PREX1: variants seen among roughly 807,000 people sequenced by gnomAD.
The protein encoded by PREX1 is phosphatidylinositol-3,4,5-trisphosphate dependent Rac exchange factor 1, also known as phosphatidylinositol 3,4,5-trisphosphate-dependent Rac exchanger 1 protein.
Under a neutral mutation model 198.3 loss-of-function variants are expected in PREX1, and 41 were observed. The ratio of observed to expected loss-of-function variants is 0.21; its 90% CI spans 0.16 to 0.27. The LOEUF (loss-of-function observed/expected upper bound fraction) is 0.27. Ranked by LOEUF, PREX1 falls within the 10% of genes least tolerant of loss-of-function variation. PREX1 has a pLI of 1.00. For missense variants in PREX1, 1,620 were observed against 2,200.7 expected, an observed-to-expected ratio of 0.74 and a Z score of 5.28; for synonymous variants, 843 against 887.2, an observed-to-expected ratio of 0.95 and a Z score of 0.89.
At chr20:48,771,182 T>A (rs1202124650) in intron 1 of PREX1, among the ~76,000 whole-genome samples, 1 of 151,910 alleles carries the variant, frequency 6.6e-6, no homozygotes, top group Non-Finnish European at 1.5e-5. Context: ...TAATTTTGCA[T>A]GTCACCTTTC....
chr20:48,636,451 CCACT>C lies in PREX1; in HGVS notation c.4167+8_4167+11del, dbSNP rs1455363540. The C allele has an allele frequency of 6.3e-7, 1 of 1,594,578 alleles. No homozygotes were observed. Among genetic ancestry groups the C allele is most frequent in the Non-Finnish European group, 8.5e-7 (1 of 1,172,608 alleles). ...GGGCCAGCGGGGCCGCCCTCCCGCC[CCACT>C]CACTCACCACTGTGGCTGGCGAGAG... On this transcript the variant is annotated splice_region_variant and intron_variant, in intron 32 of 39. Transcript: ENST00000371941.
intron 1 of PREX1, among the ~76,000 whole-genome samples, chr20:48,784,482 C>T (rs1457363457): frequency 1.3e-5 from 2 of 152,164 alleles, no homozygotes; most frequent in African/African-American, 4.8e-5. Flanking sequence ...TCTACCCCCG[C>T]CACCCCACAT....
chr20:48,798,935 C>T (rs1256263175), intron 1 of PREX1, among the ~76,000 whole-genome samples: 2 of 152,298 alleles, frequency 1.3e-5, no homozygotes, highest in Middle Eastern at 3.4e-3. Flanking sequence ...CTCGCTCTGT[C>T]GCCTAGGCTC....
In PREX1 at chr20:48,734,690, G is replaced by A. The variant is rs761805590; in HGVS notation, c.415-40C>T. ...CAGAGCCTGTGGGAGGCAGGTCATG[G>A]TAGCAGGCAGGTGCCCTGACACATG... On this transcript the variant is annotated intron_variant, in intron 3 of 39. Coordinates refer to ENST00000371941, the MANE Select transcript of PREX1 (RefSeq NM_020820.4). 4 of 1,584,032 alleles carry A rather than the reference G, an allele frequency of 2.5e-6. No homozygotes were observed. In the African/African-American group the frequency reaches 4.0e-5, roughly 16 times the overall value.
chr20:48,831,920 A>T (rs2090537780), upstream of PREX1, among the ~76,000 whole-genome samples: 1 of 152,090 alleles, frequency 6.6e-6, no homozygotes, highest in South Asian at 2.1e-4. Flanking sequence ...CCCTAAACCA[A>T]ACATGACTAA....
intron 2 of PREX1, among the ~76,000 whole-genome samples, chr20:48,746,612 G>A (rs1286503029): frequency 6.6e-6 from 1 of 152,138 alleles, no homozygotes; most frequent in Admixed American, 6.5e-5. Context: ...GACTGACTGA[G>A]GGGGGCCCAG....
chr20:48,799,718 C>A (rs770997196), intron 1 of PREX1, among the ~76,000 whole-genome samples: 16 of 152,258 alleles, frequency 1.1e-4, no homozygotes, highest in Middle Eastern at 3.4e-3. Context: ...GTCCTGCAGG[C>A]AAGCGGGCCT....
intron 37 of PREX1, 146 bp downstream of exon 37, chr20:48,629,302 GA>G: frequency 8.9e-7 from 1 of 1,119,776 alleles, no homozygotes; most frequent in Non-Finnish European, 1.3e-6. Context: ...CAGACAAACT[GA>G]GGTGCAGACA....
chr20:48,692,617 C>CCAGGGAGCAGG, intron 8 of PREX1, 55 bp downstream of exon 8: 1 of 1,387,314 alleles, frequency 7.2e-7, no homozygotes, highest in South Asian at 1.2e-5. Context: ...AGAGAGAGTG[C>CCAGGGAGCAGG]CAGGGAGCAG....
the PREX1 span, among the ~76,000 whole-genome samples, chr20:48,849,755 G>C: frequency 3.3e-5 from 5 of 152,168 alleles, no homozygotes; most frequent in Non-Finnish European, 7.3e-5. Flanking sequence ...TCAGCCAAAG[G>C]GTCAGGATTT....
intron 5 of PREX1, among the ~76,000 whole-genome samples, chr20:48,713,747 T>TA (rs1197247748): frequency 4.3e-4 from 43 of 100,352 alleles, no homozygotes; most frequent in East Asian, 9.1e-4. Flanking sequence ...TTATCTCTTT[T>TA]AAAAAAAAAA....
chr20:48,642,375 A>T, intron 28 of PREX1, 32 bp downstream of exon 28: 3 of 1,608,402 alleles, frequency 1.9e-6, no homozygotes, highest in Non-Finnish European at 2.6e-6. Flanking sequence ...GAGGAACCCA[A>T]AGTTGCGCCA....
intron 28 of PREX1, 26 bp from the exon 29 acceptor site, chr20:48,642,284 G>A: frequency 1.2e-6 from 2 of 1,612,304 alleles, no homozygotes; most frequent in Non-Finnish European, 1.7e-6. Flanking sequence ...CCTGGGGTTG[G>A]TTTGGGCCCC....
chr20:48,887,961 TTAAATAAATAAA>T, the PREX1 span, among the ~76,000 whole-genome samples: 1 of 151,576 alleles, frequency 6.6e-6, no homozygotes, highest in Admixed American at 6.6e-5. Flanking sequence ...AAAAAATAAA[TTAAATAAATAAA>T]TAAATAAATA....
chr20:48,724,912 C>T (rs1007883884), intron 5 of PREX1, among the ~76,000 whole-genome samples: 4 of 152,232 alleles, frequency 2.6e-5, no homozygotes, highest in African/African-American at 9.6e-5. Flanking sequence ...TAAGACCTAT[C>T]TAGGGATCGA....
intron 1 of PREX1, among the ~76,000 whole-genome samples, chr20:48,813,293 G>A (rs1377905602): frequency 6.6e-6 from 1 of 152,232 alleles, no homozygotes; most frequent in Non-Finnish European, 1.5e-5. Context: ...CACAGAGCTT[G>A]GCTCTGGGAC....
At chr20:48,651,351 T>C in intron 22 of PREX1, 45 bp downstream of exon 22, 1 of 1,536,186 alleles carries the variant, frequency 6.5e-7, no homozygotes, top group Non-Finnish European at 8.8e-7. Flanking sequence ...GAAACTGGCT[T>C]CAATCCCCCA....
intron 28 of PREX1, 39 bp downstream of exon 28, chr20:48,642,368 G>T: frequency 6.2e-7 from 1 of 1,606,764 alleles, no homozygotes; most frequent in Non-Finnish European, 8.5e-7. Context: ...GTGACAGGAG[G>T]AACCCAAAGT....
At chr20:48,705,788 C>T (rs1250562928) in intron 6 of PREX1, among the ~76,000 whole-genome samples, 3 of 152,196 alleles carry the variant, frequency 2.0e-5, no homozygotes, top group Non-Finnish European at 4.4e-5. Flanking sequence ...TCATATTCCA[C>T]ACCTCACTTT....
Sources: allele counts gnomAD v4.1 joint callset (sites outside exome capture counted in the v4.1 genomes callset), GRCh38; gene constraint gnomAD v4.1.1; transcripts MANE v1.5; gene names NCBI Gene and HGNC (gene_info 2026-07-23, HGNC 2026-07-21).